NSMCE2: variants seen among roughly 807,000 people sequenced by gnomAD.
NSMCE2 encodes the protein NSE2 SUMO ligase component of SMC5/6 complex.
NSMCE2 carries 24 observed loss-of-function variants against 23.8 expected under a neutral mutation model. The observed-to-expected ratio is 1.01, with a 90% CI of 0.73 to 1.42. The LOEUF (loss-of-function observed/expected upper bound fraction) is 1.42. Ranked by LOEUF, NSMCE2 falls within the 40% of genes most tolerant of loss-of-function variation. The pLI is 0.00. For missense variants in NSMCE2, 284 were observed against 296.5 expected (o/e 0.96, Z 0.31); for synonymous variants, 92 against 94.1 (o/e 0.98, Z 0.13).
At chr8:125,219,941 G>A (rs933429237) in intron 5 of NSMCE2, among the ~76,000 whole-genome samples, 1 of 152,178 alleles carries the variant, frequency 6.6e-6, no homozygotes, top group Non-Finnish European at 1.5e-5. Flanking sequence ...ATACAGTGAG[G>A]CATACAACGT....
chr8:125,092,085 C>T (rs993566784), intron 1 of NSMCE2, 127 bp downstream of exon 1: 3 of 152,224 alleles, frequency 2.0e-5, no homozygotes, highest in African/African-American at 7.2e-5. Context: ...CTTTTCACGC[C>T]ACGGTAGTGA....
At chr8:125,112,959 C>A (rs1453333865) in intron 3 of NSMCE2, among the ~76,000 whole-genome samples, 1 of 148,492 alleles carries the variant, frequency 6.7e-6, no homozygotes, top group Non-Finnish European at 1.5e-5. Context: ...AGCCATTCCA[C>A]AGTGTTTACA....
At chr8:125,262,180 CT>C (rs1220447649) in intron 5 of NSMCE2, among the ~76,000 whole-genome samples, 1 of 152,068 alleles carries the variant, frequency 6.6e-6, no homozygotes, top group Non-Finnish European at 1.5e-5. Context: ...AATCCCAGCA[CT>C]TTGGGAGGCT....
chr8:125,200,299 C>T lies in NSMCE2; in HGVS notation c.418+18043C>T, dbSNP rs149246955. Reference sequence around the variant, plus strand: ...GTCTTTACAGTTTGGCATGTTTTTGCGGTGGCTGGTACCAGTTGTTCCTTT... The same window carrying T: ...GTCTTTACAGTTTGGCATGTTTTTGTGGTGGCTGGTACCAGTTGTTCCTTT... On this transcript the variant is annotated intron_variant, in intron 5 of 7. Transcript: ENST00000287437. Among the ~76,000 whole-genome samples the T allele has an allele frequency of 6.2e-3, 937 of 152,240 alleles. 7 individuals are homozygous for T. Among genetic ancestry groups the T allele is most frequent in the African/African-American group, 0.022 (894 of 41,536 alleles).
intron 3 of NSMCE2, among the ~76,000 whole-genome samples, chr8:125,146,856 C>G (rs1232987269): frequency 6.6e-6 from 1 of 151,814 alleles, no homozygotes; most frequent in African/African-American, 2.4e-5. Context: ...TGTAACAGAC[C>G]TGCATGTTGT....
intron 3 of NSMCE2, among the ~76,000 whole-genome samples, chr8:125,149,163 T>C (rs1016462718): frequency 6.6e-6 from 1 of 152,188 alleles, no homozygotes; most frequent in African/African-American, 2.4e-5. Context: ...TACAAATTTT[T>C]CTTATGTAAA....
chr8:125,110,209 G>C (rs1818661084), intron 3 of NSMCE2, among the ~76,000 whole-genome samples: 1 of 152,248 alleles, frequency 6.6e-6, no homozygotes, highest in Middle Eastern at 3.4e-3. Context: ...GGCTTCAGAG[G>C]TTTGGTTAAT....
In NSMCE2 at chr8:125,288,445, A is replaced by G. The variant is rs1050553237; in HGVS notation, c.419-68774A>G. ...CCTTCATTCCCAGCAATCACATTTC[A>G]ATTATTTTGCCTCTGAGCTATTTCT... On this transcript the variant is annotated intron_variant, in intron 5 of 7. Coordinates refer to ENST00000287437, the MANE Select transcript of NSMCE2 (RefSeq NM_173685.4). 2.0e-5 allele frequency among the ~76,000 whole-genome samples: 3 copies of G among 152,194 alleles called. No homozygotes were observed. The East Asian group carries it at 5.8e-4, about 29-fold the overall frequency.
intron 5 of NSMCE2, among the ~76,000 whole-genome samples, chr8:125,317,693 G>A (rs974768050): frequency 2.0e-5 from 3 of 152,114 alleles, no homozygotes; most frequent in African/African-American, 7.2e-5. Flanking sequence ...AGGTTACAGG[G>A]GAGAAAAGAA....
rs191583464 is a variant in NSMCE2 at position 125,131,913 on chromosome 8, A to T, written c.158-19258A>T. On this transcript the variant is annotated intron_variant, in intron 3 of 7. Coordinates refer to ENST00000287437, the MANE Select transcript of NSMCE2 (RefSeq NM_173685.4). ...GAATTGCAGGTAAGTAAAAGTTCTT[A>T]AGTTCCAGAATTCAAATCTGGGCAG... Among the ~76,000 whole-genome samples the T allele has an allele frequency of 1.9e-4, 29 of 152,298 alleles. No homozygotes were observed. The East Asian group carries it at 5.4e-3, about 28-fold the overall frequency.
intron 5 of NSMCE2, among the ~76,000 whole-genome samples, chr8:125,262,513 A>G (rs1826737944): frequency 6.6e-6 from 1 of 152,212 alleles, no homozygotes; most frequent in Non-Finnish European, 1.5e-5. Context: ...TCATCCATTT[A>G]TTAGTATTCA....
chr8:125,288,237 G>A (rs889024236), intron 5 of NSMCE2, among the ~76,000 whole-genome samples: 12 of 152,078 alleles, frequency 7.9e-5, no homozygotes, highest in African/African-American at 1.7e-4. Context: ...ATGCTACTGC[G>A]TGAGCTCCCT....
rs570196124 is a variant in NSMCE2, at chr8:125,110,630, A to G, written c.157+8143A>G. Among the ~76,000 whole-genome samples, 26 of 152,324 alleles carry G rather than the reference A, an allele frequency of 1.7e-4. No individual in the cohort carries two copies. In the South Asian group the frequency reaches 2.3e-3, roughly 13 times the overall value. Reference sequence around the variant, plus strand: ...TAAATGTTTGAGTAGGGATTTGATTATAAGCAGTCTGACTTCATAGTTTCT... The same window carrying G: ...TAAATGTTTGAGTAGGGATTTGATTGTAAGCAGTCTGACTTCATAGTTTCT... On this transcript the variant is annotated intron_variant, in intron 3 of 7. Coordinates refer to ENST00000287437, the MANE Select transcript of NSMCE2 (RefSeq NM_173685.4).
chr8:125,122,175 A>T (rs867514235), intron 3 of NSMCE2, among the ~76,000 whole-genome samples: 13,571 of 145,400 alleles, frequency 0.093, 889 homozygotes, highest in African/African-American at 0.17. Context: ...GCTGAGCCAA[A>T]AAAAAAAAAA....
intron 4 of NSMCE2, among the ~76,000 whole-genome samples, chr8:125,163,866 A>C (rs1489285478): frequency 6.6e-6 from 1 of 152,240 alleles, no homozygotes; most frequent in Non-Finnish European, 1.5e-5. Context: ...CTGGCTAGCC[A>C]ATAAAAAAGG....
intron 5 of NSMCE2, among the ~76,000 whole-genome samples, chr8:125,251,119 A>G (rs537011975): frequency 1.3e-5 from 2 of 152,328 alleles, no homozygotes; most frequent in African/African-American, 2.4e-5. Context: ...TAGTAAAAGC[A>G]TAGTGGTTCC....
In NSMCE2 at chr8:125,184,505, T is replaced by A. The variant is rs962355471; in HGVS notation, c.418+2249T>A. ...TCCCTGTATATTGTAACACTGGAAT[T>A]AAAATAACTTTCCCCTAAAATAATT... On this transcript the variant is annotated intron_variant, in intron 5 of 7. Transcript: ENST00000287437. Among the ~76,000 whole-genome samples the A allele has an allele frequency of 9.2e-5, 14 of 152,236 alleles. 1 individual carries two copies. Among genetic ancestry groups the A allele is most frequent in the Admixed American group, 6.5e-4 (10 of 15,298 alleles).
chr8:125,223,497 C>T (rs1443377237), intron 5 of NSMCE2, among the ~76,000 whole-genome samples: 4 of 152,114 alleles, frequency 2.6e-5, no homozygotes, highest in African/African-American at 9.7e-5. Flanking sequence ...TGTATGTATA[C>T]CCAGAAGTGG....
intron 5 of NSMCE2, among the ~76,000 whole-genome samples, chr8:125,328,740 C>T (rs1829768316): frequency 6.6e-6 from 1 of 152,184 alleles, no homozygotes; most frequent in Admixed American, 6.5e-5. Flanking sequence ...GCAACCTTTT[C>T]ATTCATCCCT....
Sources: allele counts gnomAD v4.1 joint callset (sites outside exome capture counted in the v4.1 genomes callset), GRCh38; gene constraint gnomAD v4.1.1; transcripts MANE v1.5; gene names NCBI Gene and HGNC (gene_info 2026-07-23, HGNC 2026-07-21).